Variants in OTOF observed in about 807,000 individuals in gnomAD.
OTOF encodes fer-1-like family member 2.
In OTOF, 218 loss-of-function variants were observed where a neutral mutation model predicts 236.8. The ratio of observed to expected loss-of-function variants is 0.92; its 90% CI spans 0.82 to 1.03. The LOEUF (loss-of-function observed/expected upper bound fraction) is 1.03. Ranked by LOEUF, OTOF falls within the 50% of genes least tolerant of loss-of-function variation. OTOF has a pLI of 0.00. For synonymous variants in OTOF, 1,041 were observed against 1,072.5 expected (o/e 0.97, Z 0.57); for missense variants, 2,590 against 2,694.4 (o/e 0.96, Z 0.86).
At chr2:26,547,646 G>C (rs1459548531) in intron 1 of OTOF, among the ~76,000 whole-genome samples, 1 of 152,034 alleles carries the variant, frequency 6.6e-6, no homozygotes, top group Non-Finnish European at 1.5e-5. Context: ...GACCAGCCTG[G>C]CCAACATGGT....
chr2:26,537,455 T>C (rs1667098800), intron 2 of OTOF, among the ~76,000 whole-genome samples: 1 of 152,220 alleles, frequency 6.6e-6, no homozygotes, highest in Non-Finnish European at 1.5e-5. Flanking sequence ...AGCAGGGCCG[T>C]CGAGGTGGGC....
chr2:26,527,734 G>C (rs1666842814), intron 3 of OTOF, 98 bp downstream of exon 3: 4 of 879,932 alleles, frequency 4.5e-6, no homozygotes, highest in Admixed American at 1.7e-5. Context: ...TGGGAGTGTA[G>C]GTCCCCTTTT....
At chr2:26,478,160 G>C (rs1273040094) in intron 18 of OTOF, 3 of 658,522 alleles carry the variant, frequency 4.6e-6, no homozygotes, top group Admixed American at 8.1e-5. Flanking sequence ...AGATGCCTGG[G>C]GGAAGAGGGA....
intron 3 of OTOF, among the ~76,000 whole-genome samples, chr2:26,527,305 C>T (rs1485259888): frequency 6.6e-6 from 1 of 152,250 alleles, no homozygotes; most frequent in Non-Finnish European, 1.5e-5. Flanking sequence ...CCTTTTCACA[C>T]ATGAGCACAT....
intron 36 of OTOF, among the ~76,000 whole-genome samples, chr2:26,466,484 G>GTGGCACTGTGCC (rs1664732758): frequency 6.6e-6 from 1 of 152,146 alleles, no homozygotes; most frequent in Non-Finnish European, 1.5e-5. Flanking sequence ...TTACAGGTGC[G>GTGGCACTGTGCC]TGGCACTGTG....
At chr2:26,525,047 C>T (rs1666767720) in intron 3 of OTOF, among the ~76,000 whole-genome samples, 1 of 152,170 alleles carries the variant, frequency 6.6e-6, no homozygotes, top group African/African-American at 2.4e-5. Context: ...TAGGTCACAC[C>T]CTCATGGTAT....
At chr2:26,521,351 C>T (rs934667726) in intron 3 of OTOF, among the ~76,000 whole-genome samples, 1 of 152,182 alleles carries the variant, frequency 6.6e-6, no homozygotes, top group Admixed American at 6.5e-5. Context: ...CCCCAGGATC[C>T]GCAGAGGTGC....
chr2:26,461,565 C>G lies in OTOF; in HGVS notation c.5533+131G>C, dbSNP rs567264699. The G allele has an allele frequency of 1.4e-5, 18 of 1,300,776 alleles. No individual in the cohort carries two copies. The South Asian group carries it at 2.0e-4, about 14-fold the overall frequency. The allele number at this position is 1,300,776 out of a possible 1,614,324, so 80.6% of individuals were successfully genotyped here. A position where few individuals can be genotyped will look rare whatever the true frequency, so the allele number is the denominator to read the frequency against. ...TGGGGGCGGAACCCCGTCGGACACC[C>G]CTGGCTCTGATGGACTGGAAGCAAT... On this transcript the variant is annotated intron_variant, in intron 43 of 46. Coordinates refer to ENST00000272371, the MANE Select transcript of OTOF (RefSeq NM_194248.3). The surrounding 1 kb of genome is among the most constrained non-coding windows in gnomAD (Gnocchi z 6.2).
chr2:26,464,214 C>G, intron 39 of OTOF, 108 bp from the exon 40 acceptor site: 1 of 1,342,106 alleles, frequency 7.5e-7, no homozygotes, highest in South Asian at 1.2e-5. Flanking sequence ...CATCACCTGT[C>G]TACCCCACCT....
At position 26,475,489 on chromosome 2, in the gene OTOF, A is replaced by C; in HGVS notation, c.2996T>G (p.Leu999Arg). 1.2e-6 allele frequency: 2 copies of C among 1,612,556 alleles called. No homozygotes were observed. Among genetic ancestry groups the C allele is most frequent in the Non-Finnish European group, 8.5e-7 (1 of 1,179,704 alleles). Residue 999 changes from leucine (L) to arginine (R), a missense_variant, in exon 25 of 47, where the codon CTG (leucine) becomes CGG (arginine). Around this residue, in one of 2 missense-constraint regions of OTOF, gnomAD observed 1,379 missense variants for 1,341.6 expected, o/e 1.03. Transcript: ENST00000272371. ...FINQSQCTEV[L>R]NETLCPTWDQ... ...CCAGGTGGGACACAGGGTCTCATTC[A>C]GCACCTGCAGCATGGGATGGGGAGA...
chr2:26,481,266 G>C (rs1164287761), intron 14 of OTOF, among the ~76,000 whole-genome samples: 2 of 152,232 alleles, frequency 1.3e-5, no homozygotes, highest in African/African-American at 4.8e-5. Context: ...CTGGAACTTA[G>C]AGCAGGAATT....
chr2:26,465,751 CAAT>C lies in OTOF; in HGVS notation c.4717_4719del (p.Ile1573del). 3 of 1,614,236 alleles carry C rather than the reference CAAT, an allele frequency of 1.9e-6. No homozygotes were observed. The highest frequency in any genetic ancestry group is 2.5e-6 in the Non-Finnish European group (3 of 1,180,036). Reference sequence around the variant, plus strand: ...TTCTCCAGGTCGATCTTGGTTTCCCCAATGAGGTCATCAGTGCCCACCAGGTCC... The same window carrying C: ...TTCTCCAGGTCGATCTTGGTTTCCCCGAGGTCATCAGTGCCCACCAGGTCC... On this transcript the variant is annotated inframe_deletion, in exon 38 of 47. Coordinates refer to ENST00000272371, the MANE Select transcript of OTOF (RefSeq NM_194248.3).
chr2:26,480,147 C>T (rs1046888675), intron 16 of OTOF, 56 bp downstream of exon 16: 13 of 979,036 alleles, frequency 1.3e-5, no homozygotes, highest in Middle Eastern at 2.3e-4. Flanking sequence ...AGGCCTGAAG[C>T]CCCCGTGGGC....
In OTOF at chr2:26,460,985, G is replaced by A; in HGVS notation, c.5579C>T (p.Thr1860Ile). The A allele has an allele frequency of 1.2e-6, 2 of 1,603,896 alleles. No individual in the cohort carries two copies. The highest frequency in any genetic ancestry group is 1.7e-6 in the Non-Finnish European group (2 of 1,173,700). ...CATCTCCATGGTGCACTGCTTGGCT[G>A]TCTTTGCGCCCCGCGGGAACCGGTT... is the stretch of plus-strand genomic sequence containing the variant. ...DLNRFPRGAK[T>I]AKQCTMEMAT... Residue 1860 changes from threonine (T) to isoleucine (I), a missense_variant, in exon 44 of 47, where the codon ACA becomes ATA. Thr to Ile is a moderately conservative substitution (Grantham distance 89). Coordinates refer to ENST00000272371, the MANE Select transcript of OTOF (RefSeq NM_194248.3). This position sits in a 1 kb window ranked among gnomAD's most constrained non-coding sequence, Gnocchi z 5.3.
At position 26,473,124 on chromosome 2, in the gene OTOF, G is replaced by A. The variant is rs746801373; in HGVS notation, c.3733+8C>T. The stretch of plus-strand genomic sequence containing the variant: ...CCAGGCTTGGTGGCAGGGTGGATGT[G>A]GCCATACCCGTGGTGTTCCAGCTGG... On this transcript the variant is annotated splice_region_variant and intron_variant, in intron 29 of 46. Coordinates refer to ENST00000272371, the MANE Select transcript of OTOF (RefSeq NM_194248.3). The surrounding 1 kb of genome is among the most constrained non-coding windows in gnomAD (Gnocchi z 7.2). 2 of 1,610,744 alleles carry A rather than the reference G, an allele frequency of 1.2e-6. No homozygotes were observed. Among genetic ancestry groups the A allele is most frequent in the South Asian group, 1.1e-5 (1 of 90,958 alleles).
chr2:26,489,344 C>A, intron 10 of OTOF, 49 bp from the exon 11 acceptor site: 1 of 1,429,180 alleles, frequency 7.0e-7, no homozygotes, highest in Non-Finnish European at 9.7e-7. Context: ...AAGGGTGAGG[C>A]TTTCCATGGG....
chr2:26,475,784 A>T (rs1665226706), intron 24 of OTOF, 130 bp downstream of exon 24: 8 of 1,227,380 alleles, frequency 6.5e-6, no homozygotes, highest in Non-Finnish European at 9.2e-6. Flanking sequence ...CCCCTGAGAA[A>T]CCGGGGCACT....
At chr2:26,506,166 C>T (rs971615364) in intron 5 of OTOF, among the ~76,000 whole-genome samples, 1 of 152,264 alleles carries the variant, frequency 6.6e-6, no homozygotes, top group Non-Finnish European at 1.5e-5. Flanking sequence ...TGTGGGCCTC[C>T]TCGTGGGTCA....
chr2:26,475,106 C>T (rs989999262), intron 25 of OTOF, among the ~76,000 whole-genome samples: 1 of 151,984 alleles, frequency 6.6e-6, no homozygotes, highest in Middle Eastern at 3.2e-3. Flanking sequence ...GACTTGCTGG[C>T]ACACCTCCAG....
Sources: allele counts gnomAD v4.1 joint callset (sites outside exome capture counted in the v4.1 genomes callset), GRCh38; gene constraint gnomAD v4.1.1; regional missense constraint gnomAD v4.1.1; non-coding constraint Gnocchi (gnomAD v3.1); transcripts MANE v1.5; gene names NCBI Gene and HGNC (gene_info 2026-07-23, HGNC 2026-07-21).